Variants in SMIM14 observed in about 807,000 individuals in gnomAD.
The protein encoded by SMIM14 is chromosome 4 open reading frame 34.
A neutral mutation model predicts 12.6 loss-of-function variants in SMIM14; 5 were observed. That is an observed-to-expected ratio of 0.40 (90% CI 0.21 to 0.83). The LOEUF (loss-of-function observed/expected upper bound fraction) is 0.83. Among genes scored for constraint, SMIM14 ranks in the 40% least tolerant of loss-of-function variants. The pLI is 0.37. For missense variants in SMIM14, 86 were observed against 119.1 expected, an observed-to-expected ratio of 0.72 and a Z score of 1.29; for synonymous variants, 30 against 40.1, an observed-to-expected ratio of 0.75 and a Z score of 0.95.
Position 39,551,480 on chromosome 4 carries a change from T to G in SMIM14, c.*646A>C, listed in dbSNP as rs1711700375. On this transcript the variant is annotated 3_prime_UTR_variant, in exon 5 of 5. Transcript: ENST00000295958. ...TAACATTAGAGATTTTTAATGGGAG[T>G]ATAAAATTAGTAAACAACCATTTCA... 1 of 152,562 alleles carries G rather than the reference T, an allele frequency of 6.6e-6. No individual in the cohort carries two copies. Among genetic ancestry groups the G allele is most frequent in the Non-Finnish European group, 1.5e-5 (1 of 68,036 alleles). The allele number at this position is 152,562 out of a possible 1,614,324, so 9.5% of individuals were successfully genotyped here.
chr4:39,601,723 G>C (rs1200448776), intron 2 of SMIM14, among the ~76,000 whole-genome samples: 1 of 152,128 alleles, frequency 6.6e-6, no homozygotes, highest in Non-Finnish European at 1.5e-5. Context: ...AAGGCGGGAG[G>C]ATCACTTGAG....
chr4:39,572,254 ATTTCT>A (rs1043154373), intron 3 of SMIM14, among the ~76,000 whole-genome samples, 156 bp downstream of exon 3: 1 of 134,862 alleles, frequency 7.4e-6, no homozygotes, highest in Non-Finnish European at 1.6e-5. Context: ...TATGAGAATA[ATTTCT>A]TTTGTGCGTA....
intron 1 of SMIM14, among the ~76,000 whole-genome samples, chr4:39,619,195 TTATTC>T (rs1264381816): frequency 7.0e-6 from 1 of 143,640 alleles, no homozygotes; most frequent in Non-Finnish European, 1.5e-5. Flanking sequence ...ATAATTTAAT[TTATTC>T]TATATATCAA....
intron 2 of SMIM14, chr4:39,587,964 G>C (rs1380785257): frequency 1.3e-5 from 2 of 152,338 alleles, no homozygotes; most frequent in African/African-American, 4.8e-5. Flanking sequence ...ATTCTATGAG[G>C]AAGCCAAGCA....
At chr4:39,598,050 G>A (rs1163138496) in intron 2 of SMIM14, among the ~76,000 whole-genome samples, 1 of 152,038 alleles carries the variant, frequency 6.6e-6, no homozygotes, top group East Asian at 1.9e-4. Context: ...GGTTTCCTTG[G>A]TTTCCCTCTT....
intron 1 of SMIM14, among the ~76,000 whole-genome samples, chr4:39,632,219 G>A (rs1041707081): frequency 1.3e-5 from 2 of 152,090 alleles, no homozygotes; most frequent in African/African-American, 4.8e-5. Flanking sequence ...AGCTGGGCAC[G>A]GTGACTCATG....
chr4:39,604,451 C>T (rs147436008), intron 2 of SMIM14, among the ~76,000 whole-genome samples: 1 of 151,708 alleles, frequency 6.6e-6, no homozygotes. Flanking sequence ...GCAGGAGAAT[C>T]GCTTGAACTC....
intron 1 of SMIM14, among the ~76,000 whole-genome samples, chr4:39,624,185 G>A (rs1164979637): frequency 2.0e-5 from 3 of 152,060 alleles, no homozygotes; most frequent in African/African-American, 4.8e-5. Flanking sequence ...CTCAAAACTG[G>A]TTATTCTTTT....
Position 39,616,038 on chromosome 4 carries a change from A to G in SMIM14, c.-35-10858T>C, listed in dbSNP as rs549371540. Among the ~76,000 whole-genome samples the G allele has an allele frequency of 3.2e-4, 49 of 152,358 alleles. No homozygotes were observed. In the South Asian group the frequency reaches 9.3e-3, roughly 29 times the overall value. ...CTAGCAAAACTGGCCTCTTGCTAAT[A>G]GTATCTCTATAGTAGATTTGGCTTA... is the stretch of plus-strand genomic sequence containing the variant. On this transcript the variant is annotated intron_variant, in intron 1 of 4. Transcript: ENST00000295958.
At chr4:39,618,954 A>T (rs1308950409) in intron 1 of SMIM14, among the ~76,000 whole-genome samples, 1 of 151,938 alleles carries the variant, frequency 6.6e-6, no homozygotes, top group Non-Finnish European at 1.5e-5. Context: ...AGGGATGCAT[A>T]TACACCACAT....
rs1270421573 is a variant in SMIM14, at chr4:39,547,561, C to A, written c.*4565G>T. The A allele has an allele frequency of 6.6e-6, 1 of 152,326 alleles. No individual in the cohort carries two copies. Among genetic ancestry groups the A allele is most frequent in the East Asian group, 1.9e-4 (1 of 5,196 alleles). The allele number at this position is 152,326 out of a possible 1,614,324, so 9.4% of individuals were successfully genotyped here. On this transcript the variant is annotated 3_prime_UTR_variant, in exon 5 of 5. Transcript: ENST00000295958. ...AAATATTATAAGAAGACTAAACTTA[C>A]TATTGCAACAACAAAAATTTAACCC...
chr4:39,564,359 A>G (rs1358435009), intron 3 of SMIM14, among the ~76,000 whole-genome samples: 2 of 151,928 alleles, frequency 1.3e-5, no homozygotes, highest in Non-Finnish European at 2.9e-5. Flanking sequence ...TTATTCTCCT[A>G]CAGGCTGAGT....
intron 1 of SMIM14, chr4:39,638,502 G>A: frequency 1.0e-6 from 1 of 985,442 alleles, no homozygotes; most frequent in South Asian, 4.7e-5. Flanking sequence ...CCCCGACTCT[G>A]ACATCCTGCA....
intron 1 of SMIM14, among the ~76,000 whole-genome samples, chr4:39,628,934 T>C (rs2109255265): frequency 6.6e-6 from 1 of 151,186 alleles, no homozygotes; most frequent in East Asian, 2.1e-4. Context: ...AGTTTTGCCA[T>C]GTTGGACAGG....
At chr4:39,637,419 G>GT (rs1169223755) in intron 1 of SMIM14, among the ~76,000 whole-genome samples, 1 of 152,064 alleles carries the variant, frequency 6.6e-6, no homozygotes, top group East Asian at 1.9e-4. Flanking sequence ...TCGTTAAGGG[G>GT]TTCATGTTAT....
In SMIM14 at chr4:39,628,888, A is replaced by G. The variant is rs566204188; in HGVS notation, c.-36+9851T>C. 6.3e-3 allele frequency among the ~76,000 whole-genome samples: 941 copies of G among 150,512 alleles called. 12 individuals are homozygous for G. The highest frequency in any genetic ancestry group is 0.022 in the African/African-American group (897 of 41,152). On this transcript the variant is annotated intron_variant, in intron 1 of 4. Coordinates refer to ENST00000295958, the MANE Select transcript of SMIM14 (RefSeq NM_174921.3). ...TCTGGGATTACAGGTGCGTGCCATC[A>G]CACCCAGCTAGTTTTTATATGGTTA...
chr4:39,616,790 TCCCTGGTTTC>T (rs1439568521), intron 1 of SMIM14, among the ~76,000 whole-genome samples: 1 of 152,142 alleles, frequency 6.6e-6, no homozygotes, highest in African/African-American at 2.4e-5. Flanking sequence ...TTTTTGCCAA[TCCCTGGTTTC>T]CTCTCTCCTT....
intron 1 of SMIM14, among the ~76,000 whole-genome samples, chr4:39,615,566 T>C (rs1042606153): frequency 6.6e-6 from 1 of 152,184 alleles, no homozygotes; most frequent in African/African-American, 2.4e-5. Context: ...GTTGACTATA[T>C]AACAAAGTTT....
intron 1 of SMIM14, among the ~76,000 whole-genome samples, chr4:39,609,119 G>A (rs1357705212): frequency 2.0e-5 from 3 of 151,960 alleles, no homozygotes; most frequent in East Asian, 1.9e-4. Context: ...TAGGACTACA[G>A]GCGCGTGCCA....
Sources: allele counts gnomAD v4.1 joint callset (sites outside exome capture counted in the v4.1 genomes callset), GRCh38; gene constraint gnomAD v4.1.1; transcripts MANE v1.5; gene names NCBI Gene and HGNC (gene_info 2026-07-23, HGNC 2026-07-21).